ABCA6: variants seen among roughly 807,000 people sequenced by gnomAD.
ABCA6 encodes the protein ATP-binding cassette sub-family A member 6.
In ABCA6, 164 loss-of-function variants were observed where a neutral mutation model predicts 191.2. The observed-to-expected ratio is 0.86, with a 90% CI of 0.76 to 0.98. The LOEUF is 0.98. Ranked by LOEUF, ABCA6 falls within the 50% of genes least tolerant of loss-of-function variation. The pLI is 0.00. For synonymous variants in ABCA6, 636 were observed against 647.7 expected (o/e 0.98, Z 0.27); for missense variants, 1,958 against 1,894.1 (o/e 1.03, Z -0.63).
intron 21 of ABCA6, 122 bp from the exon 22 acceptor site, chr17:69,101,056 A>C: frequency 1.2e-6 from 1 of 811,070 alleles, no homozygotes; most frequent in East Asian, 2.7e-5. Context: ...CAAGTGAACT[A>C]AACTTTCTGA....
At chr17:69,099,169 C>A (rs2073120108) in intron 22 of ABCA6, among the ~76,000 whole-genome samples, 1 of 152,116 alleles carries the variant, frequency 6.6e-6, no homozygotes. Flanking sequence ...AATCAGCATC[C>A]ACTTGAGGCT....
intron 25 of ABCA6, among the ~76,000 whole-genome samples, chr17:69,093,932 T>C (rs1351718730): frequency 6.6e-6 from 1 of 152,232 alleles, no homozygotes; most frequent in Non-Finnish European, 1.5e-5. Flanking sequence ...AATTTTGTTT[T>C]TATATTTTGA....
intron 25 of ABCA6, among the ~76,000 whole-genome samples, chr17:69,091,931 A>T (rs1295956208): frequency 6.6e-6 from 1 of 151,966 alleles, no homozygotes; most frequent in Non-Finnish European, 1.5e-5. Flanking sequence ...AAAAACCTGT[A>T]TATGTTGAAA....
At position 69,098,022 on chromosome 17, in the gene ABCA6, G is replaced by A. The variant is rs777546770; in HGVS notation, c.3018C>T (p.His1006=). 9 of 1,586,836 alleles carry A rather than the reference G, an allele frequency of 5.7e-6. No homozygotes were observed. The highest frequency in any genetic ancestry group is 7.7e-6 in the Non-Finnish European group (9 of 1,171,334). ...RIESSPFPLS[H]IGLWTGLPDG... ...CCGGCAACCCAGTCCAGAGTCCTAT[G>A]TGGCTCTGAAAATATAAAGGGTAGC... The change falls in exon 23 of 39, where the codon CAC becomes CAT. Residue 1006 remains histidine, a synonymous_variant. Coordinates refer to ENST00000284425, the MANE Select transcript of ABCA6 (RefSeq NM_080284.3).
intron 10 of ABCA6, among the ~76,000 whole-genome samples, chr17:69,118,974 GGTT>G (rs539120248): frequency 9.6e-4 from 145 of 151,814 alleles, no homozygotes; most frequent in Non-Finnish European, 1.6e-3. Flanking sequence ...CTTAATCAGT[GGTT>G]GTTAATTGTG....
intron 30 of ABCA6, 139 bp downstream of exon 30, chr17:69,086,479 C>G (rs1448273160): frequency 1.7e-5 from 2 of 119,974 alleles, no homozygotes; most frequent in Non-Finnish European, 2.6e-5. Context: ...CACTCCCTGG[C>G]ACACTAAATA....
chr17:69,097,464 G>A (rs371433037), intron 23 of ABCA6, among the ~76,000 whole-genome samples: 4 of 151,986 alleles, frequency 2.6e-5, no homozygotes, highest in African/African-American at 9.7e-5. Context: ...AAACATCTTG[G>A]AGAGTTTCTG....
At chr17:69,137,098 G>C (rs1332714816) in intron 3 of ABCA6, among the ~76,000 whole-genome samples, 198 bp downstream of exon 3, 1 of 152,130 alleles carries the variant, frequency 6.6e-6, no homozygotes, top group African/African-American at 2.4e-5. Context: ...CCCTAAACTG[G>C]ACTCCCAACA....
At chr17:69,135,710 T>C (rs1326533173) in intron 4 of ABCA6, 1 of 325,220 alleles carries the variant, frequency 3.1e-6, no homozygotes, top group African/African-American at 2.1e-5. Flanking sequence ...CAGGTAGGAC[T>C]TCTCTAATCC....
At chr17:69,124,715 T>A (rs979399958) in intron 9 of ABCA6, among the ~76,000 whole-genome samples, 173 bp downstream of exon 9, 1 of 151,942 alleles carries the variant, frequency 6.6e-6, no homozygotes, top group African/African-American at 2.4e-5. Context: ...AGAAGAATTG[T>A]TTTTACATAA....
intron 36 of ABCA6, 42 bp downstream of exon 36, chr17:69,082,831 A>T: frequency 6.2e-7 from 1 of 1,612,844 alleles, no homozygotes. Flanking sequence ...CACTGAGTGG[A>T]TAAACCCTCC....
intron 10 of ABCA6, among the ~76,000 whole-genome samples, chr17:69,122,334 T>C (rs2073663697): frequency 6.6e-6 from 1 of 152,096 alleles, no homozygotes; most frequent in Non-Finnish European, 1.5e-5. Context: ...TCCATTAACT[T>C]TGTACCAAAC....
intron 20 of ABCA6, among the ~76,000 whole-genome samples, chr17:69,103,241 A>AAACAAC (rs766391503): frequency 1.3e-5 from 2 of 152,052 alleles, no homozygotes; most frequent in South Asian, 2.1e-4. Context: ...GACTTTTGGT[A>AAACAAC]AACAACAACA....
At chr17:69,084,532 T>A (rs941516981) in intron 32 of ABCA6, 25 bp from the exon 33 acceptor site, 5 of 1,611,984 alleles carry the variant, frequency 3.1e-6, no homozygotes, top group Non-Finnish European at 4.2e-6. Flanking sequence ...AATGAGAATA[T>A]CTGGTCAAGA....
rs1271621904 is a variant in ABCA6, at chr17:69,097,919, C to T, written c.3120+1G>A. 1 of 1,578,064 alleles carries T rather than the reference C, an allele frequency of 6.3e-7. No homozygotes were observed. The highest frequency in any genetic ancestry group is 1.4e-5 in the African/African-American group (1 of 72,416). Reference sequence around the variant, plus strand: ...TTCTTCTTTTCCCTGCTTTTTCTTACCTTGTAATCACTGATGCTGCCCATG... The same window carrying T: ...TTCTTCTTTTCCCTGCTTTTTCTTATCTTGTAATCACTGATGCTGCCCATG... On this transcript the variant is annotated splice_donor_variant, in intron 23 of 38. Transcript: ENST00000284425. LOFTEE classifies it high-confidence loss of function.
chr17:69,139,377 C>T (rs1337926868), intron 2 of ABCA6, among the ~76,000 whole-genome samples: 2 of 152,266 alleles, frequency 1.3e-5, no homozygotes, highest in African/African-American at 4.8e-5. Flanking sequence ...CAGAGAAATG[C>T]AAATCAAAAC....
rs527621700 is a variant in ABCA6 at position 69,093,679 on chromosome 17, C to T, written c.3409-2417G>A. ...CTAAAATAAAAGCTCTCCTGTATCC[C>T]GATCGGTCTCTCTAGTTCCTTAATT... On this transcript the variant is annotated intron_variant, in intron 25 of 38. Coordinates refer to ENST00000284425, the MANE Select transcript of ABCA6 (RefSeq NM_080284.3). 7.2e-5 allele frequency among the ~76,000 whole-genome samples: 11 copies of T among 152,232 alleles called. No individual in the cohort carries two copies. In the South Asian group the frequency reaches 2.3e-3, roughly 32 times the overall value.
Position 69,114,807 on chromosome 17 carries a change from C to T in ABCA6, c.1737G>A (p.Leu579=), listed in dbSNP as rs774329694. 2 of 1,612,108 alleles carry T rather than the reference C, an allele frequency of 1.2e-6. No individual in the cohort carries two copies. Among genetic ancestry groups the T allele is most frequent in the South Asian group, 2.2e-5 (2 of 90,846 alleles). Reference sequence around the variant, plus strand: ...GATGAATCCCTTTTATTTTAGCAAACAGGCTGAGGTTTTCCTTCACGGTGA... The same window carrying T: ...GATGAATCCCTTTTATTTTAGCAAATAGGCTGAGGTTTTCCTTCACGGTGA... The part of the protein sequence containing the change: ...DILTVKENLS[L]FAKIKGIHLK... The change falls in exon 13 of 39, where the codon CTG becomes CTA. Residue 579 remains leucine (L), a synonymous_variant. Transcript: ENST00000284425.
chr17:69,098,955 TACC>T (rs1456122924), intron 22 of ABCA6, among the ~76,000 whole-genome samples: 1 of 152,164 alleles, frequency 6.6e-6, no homozygotes, highest in Non-Finnish European at 1.5e-5. Context: ...CATGTATTAT[TACC>T]ACAACAAAAA....
Sources: allele counts gnomAD v4.1 joint callset (sites outside exome capture counted in the v4.1 genomes callset), GRCh38; gene constraint gnomAD v4.1.1; transcripts MANE v1.5; gene names NCBI Gene and HGNC (gene_info 2026-07-23, HGNC 2026-07-21).